Variants in RAB9B observed in about 807,000 individuals in gnomAD.
The protein encoded by RAB9B is RAB9B, member RAS oncogene family, also known as ras-related protein Rab-9B.
In RAB9B, 1 loss-of-function variant was observed where a neutral mutation model predicts 8.9. That is an observed-to-expected ratio of 0.11 (90% CI 0.04 to 0.53). RAB9B has a LOEUF of 0.53. Among genes scored for constraint, RAB9B ranks in the 20% least tolerant of loss-of-function variants. The pLI, the probability that RAB9B is intolerant of heterozygous loss-of-function variation, is 0.93. For missense variants in RAB9B, 82 were observed against 152.9 expected, an observed-to-expected ratio of 0.54 and a Z score of 2.45; for synonymous variants, 63 against 57.0, an observed-to-expected ratio of 1.10 and a Z score of -0.47.
intron 1 of RAB9B, among the ~76,000 whole-genome samples, chrX:103,830,458 G>A (rs888692045): frequency 4.5e-5 from 5 of 111,520 alleles, no homozygotes; most frequent in African/African-American, 1.6e-4. Flanking sequence ...CCTCTGTCGG[G>A]CGAGCATTTG....
chrX:103,820,365 C>T (rs1482821323), downstream of RAB9B, among the ~76,000 whole-genome samples: 1 of 111,871 alleles, frequency 8.9e-6, no homozygotes, highest in Non-Finnish European at 1.9e-5. Context: ...AAAATTGCTG[C>T]AAGATCTACT....
the RAB9B span, chrX:103,786,166 T>A: frequency 9.0e-7 from 1 of 1,115,271 alleles, no homozygotes; most frequent in Non-Finnish European, 1.2e-6. Flanking sequence ...AGCTCCCTAC[T>A]CCTGTGAGTT....
chrX:103,814,752 G>T, the RAB9B span, among the ~76,000 whole-genome samples: 1 of 111,385 alleles, frequency 9.0e-6, no homozygotes, highest in East Asian at 2.8e-4. Flanking sequence ...ATGATAAATG[G>T]GATATCACCC....
chrX:103,816,838 A>T, the RAB9B span, among the ~76,000 whole-genome samples: 1 of 112,851 alleles, frequency 8.9e-6, no homozygotes, highest in African/African-American at 3.2e-5. Context: ...AATGCTCATC[A>T]TCACTGGTCA....
the RAB9B span, among the ~76,000 whole-genome samples, chrX:103,807,280 A>T: frequency 8.3e-3 from 934 of 111,943 alleles, 17 homozygotes; most frequent in Admixed American, 0.047. Context: ...AACCTGAATG[A>T]TTGAAACAGC....
At chrX:103,818,632 A>C (rs2074648511), downstream of RAB9B, among the ~76,000 whole-genome samples, 1 of 111,880 alleles carries the variant, frequency 8.9e-6, no homozygotes, top group African/African-American at 3.2e-5. Flanking sequence ...TTATGCAAAC[A>C]GCAAATATAA....
At chrX:103,788,300 G>C in the RAB9B span, 1 of 576,801 alleles carries the variant, frequency 1.7e-6, no homozygotes, top group Middle Eastern at 3.8e-4. Context: ...CTGTAGAAAA[G>C]AGGATCCTGA....
the RAB9B span, chrX:103,790,974 T>A: frequency 4.1e-6 from 1 of 243,807 alleles, no homozygotes; most frequent in Non-Finnish European, 7.4e-6. Context: ...GAAGGAAAGA[T>A]GCTCAGGTAC....
chrX:103,796,296 C>T, the RAB9B span, among the ~76,000 whole-genome samples: 1 of 111,276 alleles, frequency 9.0e-6, no homozygotes, highest in Non-Finnish European at 1.9e-5. Flanking sequence ...GTCTGGCCAA[C>T]ATTGCAAAAC....
At position 103,823,348 on chromosome X, in the gene RAB9B, G is replaced by A. The variant is rs1464013015; in HGVS notation, c.*1831C>T. The A allele has an allele frequency of 1.8e-5, 2 of 111,694 alleles. No individual in the cohort carries two copies. Among genetic ancestry groups the A allele is most frequent in the Non-Finnish European group, 3.8e-5 (2 of 53,186 alleles). The allele number at this position is 111,694 out of a possible 1,213,427, so 9.2% of individuals were successfully genotyped here. Reference sequence around the variant, plus strand: ...GCGTCAAAGTTAATTGAACAATGGTGTCAGGATTATATCTTAATTGGAAAT... The same window carrying A: ...GCGTCAAAGTTAATTGAACAATGGTATCAGGATTATATCTTAATTGGAAAT... On this transcript the variant is annotated 3_prime_UTR_variant, in exon 3 of 3. Transcript: ENST00000243298.
At chrX:103,817,574 A>G (rs1408062879), downstream of RAB9B, among the ~76,000 whole-genome samples, 1 of 109,754 alleles carries the variant, frequency 9.1e-6, no homozygotes, top group African/African-American at 3.3e-5. Context: ...AAATTAAAGT[A>G]TACATATAAT....
At chrX:103,810,997 G>C in the RAB9B span, among the ~76,000 whole-genome samples, 1 of 111,995 alleles carries the variant, frequency 8.9e-6, no homozygotes, top group East Asian at 2.8e-4. Flanking sequence ...TTAGTTATCG[G>C]AAGTCCTGTG....
the RAB9B span, among the ~76,000 whole-genome samples, chrX:103,814,637 A>G: frequency 1.8e-5 from 2 of 111,804 alleles, no homozygotes; most frequent in African/African-American, 6.5e-5. Flanking sequence ...AAAAAAATCA[A>G]TGAATCCAGG....
the RAB9B span, chrX:103,777,040 A>T: frequency 8.8e-7 from 1 of 1,138,679 alleles, no homozygotes; most frequent in Non-Finnish European, 1.2e-6. Context: ...TCAAGAGGAC[A>T]CAGGAATTCA....
chrX:103,820,097 C>T (rs2074653838), downstream of RAB9B, among the ~76,000 whole-genome samples: 1 of 111,925 alleles, frequency 8.9e-6, no homozygotes, highest in Admixed American at 9.4e-5. Context: ...GAAATCAAGA[C>T]CTCACCAGAC....
At chrX:103,780,252 G>T in the RAB9B span, 1 of 112,548 alleles carries the variant, frequency 8.9e-6, no homozygotes, top group Admixed American at 9.4e-5. Flanking sequence ...AATGGTGGGA[G>T]ACTGACCTGA....
the RAB9B span, among the ~76,000 whole-genome samples, chrX:103,803,860 G>A: frequency 1.8e-4 from 20 of 112,747 alleles, no homozygotes; most frequent in African/African-American, 3.5e-4. Flanking sequence ...ACAGGCGTGA[G>A]CCACCGCGTT....
chrX:103,816,144 C>T, the RAB9B span, among the ~76,000 whole-genome samples: 1 of 111,388 alleles, frequency 9.0e-6, no homozygotes, highest in African/African-American at 3.3e-5. Flanking sequence ...GCAAGACGAA[C>T]AAAGCTGCAG....
At chrX:103,804,370 G>C in the RAB9B span, among the ~76,000 whole-genome samples, 1 of 112,059 alleles carries the variant, frequency 8.9e-6, no homozygotes, top group Non-Finnish European at 1.9e-5. Flanking sequence ...CTATTATTAT[G>C]TCATTATTAC....
Sources: allele counts gnomAD v4.1 joint callset (sites outside exome capture counted in the v4.1 genomes callset), GRCh38; gene constraint gnomAD v4.1.1; transcripts MANE v1.5; gene names NCBI Gene and HGNC (gene_info 2026-07-23, HGNC 2026-07-21).